The following TENM3 variants were observed in gnomAD, a reference collection of about 807,000 sequenced individuals.
TENM3 encodes teneurin transmembrane protein 3.
In TENM3, 63 loss-of-function variants were observed where a neutral mutation model predicts 255.1. The ratio of observed to expected loss-of-function variants is 0.25; its 90% confidence interval spans 0.20 to 0.30. TENM3 has a LOEUF of 0.30. Ranked by LOEUF, TENM3 falls within the 10% of genes least tolerant of loss-of-function variation. The pLI is 1.00. For missense variants in TENM3, 2,929 were observed against 3,461.1 expected (o/e 0.85, Z 3.86); for synonymous variants, 1,306 against 1,322.3 (o/e 0.99, Z 0.27).
chr4:182,284,469 T>C (rs1760603508), intron 1 of TENM3, among the ~76,000 whole-genome samples: 1 of 152,252 alleles, frequency 6.6e-6, no homozygotes, highest in Admixed American at 6.5e-5. Context: ...AGCATTATAA[T>C]AAAAGGTAAC....
At chr4:181,859,464 T>C in the TENM3 span, among the ~76,000 whole-genome samples, 2 of 152,200 alleles carry the variant, frequency 1.3e-5, no homozygotes, top group South Asian at 4.1e-4. Flanking sequence ...TAGGAAATTA[T>C]GAAAACAAGT....
At chr4:182,738,707 A>G (rs1761366708) in intron 18 of TENM3, among the ~76,000 whole-genome samples, 163 bp downstream of exon 18, 1 of 152,230 alleles carries the variant, frequency 6.6e-6, no homozygotes, top group South Asian at 2.1e-4. Context: ...TAAAGATTAT[A>G]AAAGCCTAAA....
At chr4:182,030,052 T>TTTTTTGTTGTTGTTG in the TENM3 span, among the ~76,000 whole-genome samples, 9 of 134,756 alleles carry the variant, frequency 6.7e-5, no homozygotes, top group African/African-American at 1.7e-4. Flanking sequence ...TCAATGCATC[T>TTTTTTGTTGTTGTTG]TTGTTGTTGT....
intron 3 of TENM3, among the ~76,000 whole-genome samples, chr4:182,573,433 GA>G (rs1355751040): frequency 6.6e-6 from 1 of 152,146 alleles, no homozygotes; most frequent in Non-Finnish European, 1.5e-5. Flanking sequence ...TTTGACACAG[GA>G]ATCAAATCCC....
At chr4:181,997,402 A>C in the TENM3 span, among the ~76,000 whole-genome samples, 1 of 152,180 alleles carries the variant, frequency 6.6e-6, no homozygotes, top group African/African-American at 2.4e-5. Context: ...GTACTTATTC[A>C]ATGTTCCCGA....
intron 1 of TENM3, among the ~76,000 whole-genome samples, chr4:182,182,302 T>G (rs1408335675): frequency 6.6e-6 from 1 of 152,228 alleles, no homozygotes; most frequent in Non-Finnish European, 1.5e-5. Context: ...TACCGCCTAT[T>G]AAAATGTTAA....
the TENM3 span, among the ~76,000 whole-genome samples, chr4:181,605,568 A>AAGGGAG: frequency 5.2e-4 from 22 of 42,202 alleles, 2 homozygotes; most frequent in African/African-American, 1.5e-3. Flanking sequence ...GAAAGAAAGA[A>AAGGGAG]AGAGAGAGAA....
At chr4:182,101,834 T>C in the TENM3 span, among the ~76,000 whole-genome samples, 1 of 152,236 alleles carries the variant, frequency 6.6e-6, no homozygotes, top group South Asian at 2.1e-4. Context: ...AGGTCGATAC[T>C]GTATAATCAT....
At chr4:182,418,513 C>A (rs1007283942) in intron 3 of TENM3, among the ~76,000 whole-genome samples, 1 of 152,052 alleles carries the variant, frequency 6.6e-6, no homozygotes, top group African/African-American at 2.4e-5. Context: ...TGGGGGCCCT[C>A]AGGGGCAAGA....
At chr4:182,582,837 A>G (rs368047598) in intron 3 of TENM3, among the ~76,000 whole-genome samples, 1 of 152,214 alleles carries the variant, frequency 6.6e-6, no homozygotes, top group African/African-American at 2.4e-5. Context: ...TCACATAAAC[A>G]TTGAAGGAAA....
chr4:181,946,996 G>A, the TENM3 span, among the ~76,000 whole-genome samples: 12 of 152,288 alleles, frequency 7.9e-5, no homozygotes, highest in Admixed American at 1.3e-4. Flanking sequence ...ATCACTGACC[G>A]TGTTTGTGAC....
chr4:181,986,789 C>T, the TENM3 span, among the ~76,000 whole-genome samples: 1 of 151,960 alleles, frequency 6.6e-6, no homozygotes, highest in Admixed American at 6.6e-5. Context: ...TAAGAGTGAA[C>T]ATAGGAAATT....
the TENM3 span, among the ~76,000 whole-genome samples, chr4:181,633,165 T>C: frequency 6.6e-6 from 1 of 152,216 alleles, no homozygotes; most frequent in East Asian, 1.9e-4. Context: ...TATGCAGTTA[T>C]TGCTCTGTGA....
chr4:182,681,535 A>G (rs922479475), intron 10 of TENM3, among the ~76,000 whole-genome samples: 2 of 152,214 alleles, frequency 1.3e-5, no homozygotes, highest in Admixed American at 6.5e-5. Flanking sequence ...TAGGCAGAAC[A>G]GAGAGCAATA....
At chr4:181,501,483 A>T in the TENM3 span, among the ~76,000 whole-genome samples, 1 of 150,808 alleles carries the variant, frequency 6.6e-6, no homozygotes, top group Non-Finnish European at 1.5e-5. Flanking sequence ...GGTTCAACTG[A>T]TTCTCCTGCC....
chr4:182,679,727 T>G lies in TENM3; in HGVS notation c.1388T>G (p.Leu463Arg). Residue 463 changes from leucine to arginine, a missense_variant, in exon 8 of 28, where the codon CTT (leucine) becomes CGT (arginine). Physicochemically the swap from Leu to Arg is moderately radical, Grantham distance 102. This residue lies in a region of TENM3 where 1,608 missense variants were observed against 1,884.4 expected (regional missense o/e 0.85). Transcript: ENST00000511685. ...RLIAREQRSL[L>R]ETERAGRQAR... ...ATTGCCAGAGAGCAGCGGAGCCTGC[T>G]TGAGACGGAGAGAGCCGGGCGGCAG... 1 of 1,613,728 alleles carries G rather than the reference T, an allele frequency of 6.2e-7. No individual in the cohort carries two copies. The highest frequency in any genetic ancestry group is 8.5e-7 in the Non-Finnish European group (1 of 1,179,876).
At chr4:181,574,313 T>C in the TENM3 span, among the ~76,000 whole-genome samples, 11 of 151,324 alleles carry the variant, frequency 7.3e-5, no homozygotes, top group South Asian at 8.4e-4. Context: ...GGGTGGATCA[T>C]GAGGTCAGGA....
chr4:182,542,581 G>T (rs1740993932), intron 3 of TENM3, among the ~76,000 whole-genome samples: 1 of 151,912 alleles, frequency 6.6e-6, no homozygotes, highest in South Asian at 2.1e-4. Context: ...CAATTCTTTG[G>T]GAGCCTTGCT....
At chr4:181,974,055 G>A in the TENM3 span, among the ~76,000 whole-genome samples, 2 of 152,212 alleles carry the variant, frequency 1.3e-5, no homozygotes, top group Non-Finnish European at 2.9e-5. Context: ...GCCTCAGACT[G>A]TACTGCAGCT....
Sources: allele counts gnomAD v4.1 joint callset (sites outside exome capture counted in the v4.1 genomes callset), GRCh38; gene constraint gnomAD v4.1.1; regional missense constraint gnomAD v4.1.1; transcripts MANE v1.5; gene names NCBI Gene and HGNC (gene_info 2026-07-23, HGNC 2026-07-21).